Variants in AHR observed in about 807,000 individuals in gnomAD.
AHR encodes the protein AH-receptor.
AHR carries 40 observed loss-of-function variants against 86.8 expected under a neutral mutation model. That is an observed-to-expected ratio of 0.46 (90% CI 0.36 to 0.60). The LOEUF (loss-of-function observed/expected upper bound fraction) is 0.60. Among genes scored for constraint, AHR ranks in the 20% least tolerant of loss-of-function variants. AHR has a pLI of 0.00. For synonymous variants in AHR, 398 were observed against 354.9 expected (o/e 1.12, Z -1.37); for missense variants, 1,001 against 1,011.6 (o/e 0.99, Z 0.14).
chr7:17,313,396 G>T (rs1044044891), intron 2 of AHR, among the ~76,000 whole-genome samples: 1 of 152,136 alleles, frequency 6.6e-6, no homozygotes, highest in Non-Finnish European at 1.5e-5. Context: ...CAGGGGGTGT[G>T]TAAATTCCTG....
intron 5 of AHR, 74 bp from the exon 6 acceptor site, chr7:17,330,682 A>T: frequency 7.3e-7 from 1 of 1,363,318 alleles, no homozygotes; most frequent in Non-Finnish European, 9.7e-7. Context: ...AAACTAATAC[A>T]AATTTTACCT....
intron 2 of AHR, among the ~76,000 whole-genome samples, chr7:17,313,934 A>G (rs1221339221): frequency 6.6e-6 from 1 of 152,142 alleles, no homozygotes; most frequent in Non-Finnish European, 1.5e-5. Flanking sequence ...AACAGTGTAC[A>G]CTGGGCTTGT....
At chr7:17,306,625 A>C (rs141957269) in intron 1 of AHR, among the ~76,000 whole-genome samples, 2 of 152,098 alleles carry the variant, frequency 1.3e-5, no homozygotes, top group Non-Finnish European at 2.9e-5. Context: ...ACTGAGGTCT[A>C]TCCTCAAGCC....
chr7:17,304,081 G>T (rs1361658765), intron 1 of AHR, among the ~76,000 whole-genome samples: 1 of 151,978 alleles, frequency 6.6e-6, no homozygotes, highest in African/African-American at 2.4e-5. Context: ...CTTTTAGTTT[G>T]TTCTTTTTAC....
intron 1 of AHR, among the ~76,000 whole-genome samples, chr7:17,308,045 C>T (rs1461631996): frequency 2.0e-5 from 3 of 152,120 alleles, no homozygotes; most frequent in Admixed American, 1.3e-4. Flanking sequence ...TAGCACTCAC[C>T]GCCCTAAAAG....
At chr7:17,322,458 C>T (rs779560588) in intron 2 of AHR, 43 bp from the exon 3 acceptor site, 1 of 1,336,886 alleles carries the variant, frequency 7.5e-7, no homozygotes, top group Admixed American at 1.8e-5. Flanking sequence ...GCTCTTTACT[C>T]TTGCTTACTT....
intron 2 of AHR, among the ~76,000 whole-genome samples, chr7:17,311,799 A>G (rs1320555627): frequency 2.0e-5 from 3 of 152,210 alleles, no homozygotes; most frequent in Non-Finnish European, 4.4e-5. Flanking sequence ...TGTATTAGCT[A>G]TAGTCATTTA....
At chr7:17,301,596 AT>A (rs1170186791) in intron 1 of AHR, among the ~76,000 whole-genome samples, 1 of 151,982 alleles carries the variant, frequency 6.6e-6, no homozygotes, top group Admixed American at 6.5e-5. Context: ...ATTCCATAAA[AT>A]TTTGGAGTAA....
At chr7:17,334,803 G>T (rs1018043425) in intron 7 of AHR, 84 bp from the exon 8 acceptor site, 3 of 995,754 alleles carry the variant, frequency 3.0e-6, no homozygotes, top group Non-Finnish European at 3.0e-6. Context: ...AGAAACTAGC[G>T]TAAAACCAAT....
intron 6 of AHR, among the ~76,000 whole-genome samples, chr7:17,331,420 A>G (rs534788960): frequency 1.3e-5 from 2 of 152,110 alleles, no homozygotes; most frequent in East Asian, 3.9e-4. Flanking sequence ...GATTTTGACT[A>G]TCTTCTATAA....
intron 2 of AHR, among the ~76,000 whole-genome samples, chr7:17,320,938 G>C (rs2115358493): frequency 6.6e-6 from 1 of 152,224 alleles, no homozygotes; most frequent in East Asian, 1.9e-4. Flanking sequence ...TGAGATTCTG[G>C]TGTGACACAT....
At chr7:17,334,306 G>A (rs1415673569) in intron 7 of AHR, among the ~76,000 whole-genome samples, 192 bp downstream of exon 7, 1 of 151,862 alleles carries the variant, frequency 6.6e-6, no homozygotes, top group African/African-American at 2.4e-5. Context: ...TTTAATTTTT[G>A]CAATACTTGT....
At chr7:17,333,488 T>G (rs1782321592) in intron 6 of AHR, among the ~76,000 whole-genome samples, 1 of 152,034 alleles carries the variant, frequency 6.6e-6, no homozygotes. Flanking sequence ...ATAGAAAAGA[T>G]TATGAACTAT....
chr7:17,328,607 G>A (rs982840774), intron 4 of AHR, among the ~76,000 whole-genome samples: 5 of 151,884 alleles, frequency 3.3e-5, no homozygotes, highest in African/African-American at 1.2e-4. Context: ...CCCATTGTCA[G>A]ATATTCTGAA....
Position 17,345,538 on chromosome 7 carries a change from C to CT in AHR, c.*2475dup, listed in dbSNP as rs1054649971. 2.2e-4 allele frequency: 34 copies of CT among 152,584 alleles called. 1 individual carries two copies. The highest frequency in any genetic ancestry group is 2.1e-4 in the South Asian group (1 of 4,824). 9.5% of individuals were successfully genotyped at this position (152,584 alleles called of 1,614,324 possible). On this transcript the variant is annotated 3_prime_UTR_variant, in exon 11 of 11. Coordinates refer to ENST00000242057, the MANE Select transcript of AHR (RefSeq NM_001621.5). ...TAGACCAGAGGTCTAGATTAATACTCTATTTTTACATTTAAACCTTTTATT... is the reference window on the plus strand; with the variant it reads ...TAGACCAGAGGTCTAGATTAATACTCTTATTTTTACATTTAAACCTTTTATT...
Position 17,339,425 on chromosome 7 carries a change from A to G in AHR, c.1600A>G (p.Ser534Gly), listed in dbSNP as rs760904337. ...AGGTCACCCAGGGCTCTTTCAAGAT[A>G]GTAAAAACAGTGACTTGTACAGCAT... ...AGGHPGLFQDSKNSDLYSIMK... is the reference protein window; with the variant it reads ...AGGHPGLFQDGKNSDLYSIMK... The change falls in exon 10 of 11, where the codon AGT (serine) becomes GGT (glycine). Residue 534 changes from serine to glycine, a missense_variant. Coordinates refer to ENST00000242057, the MANE Select transcript of AHR (RefSeq NM_001621.5). The G allele has an allele frequency of 2.5e-6, 4 of 1,614,240 alleles. No homozygotes were observed. The East Asian group carries it at 6.7e-5, about 27-fold the overall frequency.
rs1782455770 is a variant in AHR, at chr7:17,343,994, A to G, written c.*930A>G. 1 of 152,592 alleles carries G rather than the reference A, an allele frequency of 6.6e-6. No individual in the cohort carries two copies. The highest frequency in any genetic ancestry group is 2.4e-5 in the African/African-American group (1 of 41,444). The allele number at this position is 152,592 out of a possible 1,614,324, so 9.5% of individuals were successfully genotyped here. On this transcript the variant is annotated 3_prime_UTR_variant, in exon 11 of 11. Coordinates refer to ENST00000242057, the MANE Select transcript of AHR (RefSeq NM_001621.5). ...AGAAGAAATAAATATACCACTCTTT[A>G]CCTTTATTGATATCTCCATGATGAT...
chr7:17,308,988 A>C (rs900840446), intron 1 of AHR, among the ~76,000 whole-genome samples: 3 of 152,318 alleles, frequency 2.0e-5, no homozygotes, highest in South Asian at 2.1e-4. Context: ...GAAGGTATAG[A>C]GGTATAAGGT....
At chr7:17,333,116 A>G (rs753209507) in intron 6 of AHR, among the ~76,000 whole-genome samples, 1 of 151,990 alleles carries the variant, frequency 6.6e-6, no homozygotes, top group Non-Finnish European at 1.5e-5. Flanking sequence ...GTAGTAAGCT[A>G]TACCATCTAG....
Sources: allele counts gnomAD v4.1 joint callset (sites outside exome capture counted in the v4.1 genomes callset), GRCh38; gene constraint gnomAD v4.1.1; transcripts MANE v1.5; gene names NCBI Gene and HGNC (gene_info 2026-07-23, HGNC 2026-07-21).